Variants in MACROD2 observed in about 807,000 individuals in gnomAD.
MACROD2 encodes the protein mono-ADP ribosylhydrolase 2.
A neutral mutation model predicts 70.4 loss-of-function variants in MACROD2; 36 were observed. That is an observed-to-expected ratio of 0.51 (90% CI 0.39 to 0.68). The LOEUF is 0.68. Ranked by LOEUF, MACROD2 falls within the 30% of genes least tolerant of loss-of-function variation. The pLI is 0.00. For synonymous variants in MACROD2, 172 were observed against 178.8 expected, an observed-to-expected ratio of 0.96 and a Z score of 0.30; for missense variants, 496 against 538.4, an observed-to-expected ratio of 0.92 and a Z score of 0.78.
intron 3 of MACROD2, among the ~76,000 whole-genome samples, chr20:14,395,446 C>G (rs539841451): frequency 6.6e-6 from 1 of 152,000 alleles, no homozygotes; most frequent in Non-Finnish European, 1.5e-5. Context: ...TGTCATTTCT[C>G]TCAGTACTAA....
At chr20:14,377,046 A>G (rs952531013) in intron 3 of MACROD2, among the ~76,000 whole-genome samples, 1 of 152,070 alleles carries the variant, frequency 6.6e-6, no homozygotes, top group Non-Finnish European at 1.5e-5. Flanking sequence ...ACTGTCTCCA[A>G]TTAGCTTGCT....
chr20:15,924,234 C>T (rs551079970), intron 10 of MACROD2, among the ~76,000 whole-genome samples: 2 of 152,274 alleles, frequency 1.3e-5, no homozygotes, highest in South Asian at 2.1e-4. Flanking sequence ...TTTTTGCTTC[C>T]CATGATAATA....
At chr20:15,889,703 C>A (rs1256136106) in intron 10 of MACROD2, among the ~76,000 whole-genome samples, 1 of 152,158 alleles carries the variant, frequency 6.6e-6, no homozygotes, top group Non-Finnish European at 1.5e-5. Flanking sequence ...ATTTCCATGA[C>A]TATGCACTGT....
At chr20:15,172,135 T>G (rs915427958) in intron 5 of MACROD2, among the ~76,000 whole-genome samples, 1 of 152,136 alleles carries the variant, frequency 6.6e-6, no homozygotes, top group South Asian at 2.1e-4. Context: ...GAAGCATTCA[T>G]AAGACAGTGA....
intron 3 of MACROD2, among the ~76,000 whole-genome samples, chr20:14,460,632 G>T (rs139663986): frequency 6.6e-6 from 1 of 152,020 alleles, no homozygotes; most frequent in Non-Finnish European, 1.5e-5. Flanking sequence ...TAGCATGAAG[G>T]GGTGTTGAAT....
chr20:15,535,653 T>C lies in MACROD2; in HGVS notation c.645+35806T>C, dbSNP rs60663987. On this transcript the variant is annotated intron_variant, in intron 8 of 17. Transcript: ENST00000684519. ...GAAGAGAGTGAGCCACAATGGATGG[T>C]TGTGGAAGTGAACAACCAAGGCAGG... Among the ~76,000 whole-genome samples the C allele has an allele frequency of 6.0e-3, 909 of 152,240 alleles. 10 individuals are homozygous for C. The highest frequency in any genetic ancestry group is 0.021 in the African/African-American group (856 of 41,530).
At chr20:15,128,201 G>A (rs2076080226) in intron 5 of MACROD2, among the ~76,000 whole-genome samples, 1 of 152,074 alleles carries the variant, frequency 6.6e-6, no homozygotes, top group Non-Finnish European at 1.5e-5. Context: ...TTAGAACAGA[G>A]AAAGTGGGAA....
intron 12 of MACROD2, among the ~76,000 whole-genome samples, 171 bp from the exon 13 acceptor site, chr20:15,967,382 T>TG (rs201315411): frequency 6.6e-6 from 1 of 151,866 alleles, no homozygotes; most frequent in Non-Finnish European, 1.5e-5. Flanking sequence ...TCACATAGTA[T>TG]GGGGGGAAAA....
chr20:15,814,814 A>C (rs990143229), intron 8 of MACROD2, among the ~76,000 whole-genome samples: 21 of 152,204 alleles, frequency 1.4e-4, no homozygotes, highest in African/African-American at 4.6e-4. Flanking sequence ...CTGAGTGTAG[A>C]CTAATTCCAC....
chr20:15,622,047 AG>A (rs1385365357), intron 8 of MACROD2, among the ~76,000 whole-genome samples: 4 of 152,328 alleles, frequency 2.6e-5, no homozygotes, highest in Non-Finnish European at 5.9e-5. Context: ...ATGGTGGCTC[AG>A]GTGGATGCAC....
At chr20:14,972,085 T>C (rs1220615676) in intron 5 of MACROD2, among the ~76,000 whole-genome samples, 1 of 152,228 alleles carries the variant, frequency 6.6e-6, no homozygotes, top group African/African-American at 2.4e-5. Context: ...GCCTAAATAA[T>C]TTCTTCTTAA....
At chr20:14,826,382 C>A (rs373603308) in intron 5 of MACROD2, among the ~76,000 whole-genome samples, 1 of 152,002 alleles carries the variant, frequency 6.6e-6, no homozygotes. Flanking sequence ...AATACAAATT[C>A]TTTTTGAATT....
intron 8 of MACROD2, among the ~76,000 whole-genome samples, chr20:15,730,818 T>G (rs2050936864): frequency 6.6e-6 from 1 of 151,102 alleles, no homozygotes; most frequent in Non-Finnish European, 1.5e-5. Context: ...CTTTCAGGTC[T>G]GACAATGAGT....
chr20:15,742,969 T>A (rs140221105), intron 8 of MACROD2, among the ~76,000 whole-genome samples: 2 of 152,234 alleles, frequency 1.3e-5, no homozygotes, highest in African/African-American at 4.8e-5. Context: ...GTCAGGTCAA[T>A]TGTATTTGTC....
At chr20:15,046,281 C>A (rs916867271) in intron 5 of MACROD2, among the ~76,000 whole-genome samples, 1 of 152,048 alleles carries the variant, frequency 6.6e-6, no homozygotes, top group Non-Finnish European at 1.5e-5. Flanking sequence ...CCGAACCTTC[C>A]CACATGATGA....
At chr20:14,150,824 A>G (rs999672465) in intron 3 of MACROD2, among the ~76,000 whole-genome samples, 1 of 152,190 alleles carries the variant, frequency 6.6e-6, no homozygotes, top group African/African-American at 2.4e-5. Context: ...CTAGTCAATT[A>G]TGAATTTACC....
intron 5 of MACROD2, among the ~76,000 whole-genome samples, chr20:15,167,968 G>A (rs1348408812): frequency 3.9e-5 from 6 of 152,138 alleles, no homozygotes; most frequent in East Asian, 1.9e-4. Flanking sequence ...AATTAGATAC[G>A]AAGTATACAA....
chr20:14,737,268 G>A (rs1271080127), intron 5 of MACROD2, among the ~76,000 whole-genome samples: 1 of 152,206 alleles, frequency 6.6e-6, no homozygotes, highest in Non-Finnish European at 1.5e-5. Flanking sequence ...CCATGTCCCT[G>A]CAAAGGACGT....
At chr20:15,032,500 C>G (rs1341431279) in intron 5 of MACROD2, among the ~76,000 whole-genome samples, 1 of 152,160 alleles carries the variant, frequency 6.6e-6, no homozygotes, top group Admixed American at 6.5e-5. Flanking sequence ...GAGCTGAGAG[C>G]CAAGACATCA....
Sources: gnomAD v4.1 joint callset for allele counts (sites outside exome capture counted in the v4.1 genomes callset) on GRCh38, gnomAD v4.1.1 for gene constraint, MANE v1.5 for transcripts, NCBI Gene and HGNC (gene_info 2026-07-23, HGNC 2026-07-21) for gene names.